Variants in PTPN4 observed in about 807,000 individuals in gnomAD.
PTPN4 encodes the protein protein tyrosine phosphatase non-receptor type 4, also known as tyrosine-protein phosphatase non-receptor type 4.
Under a neutral mutation model 135.5 loss-of-function variants are expected in PTPN4, and 49 were observed. The ratio of observed to expected loss-of-function variants is 0.36; its 90% CI spans 0.29 to 0.46. The LOEUF is 0.46. PTPN4 is among the 20% of genes least tolerant of loss of function. The probability of loss-of-function intolerance (pLI) is 1.00; values close to 1 mark genes in which losing one functional copy is unlikely to be tolerated. For synonymous variants in PTPN4, 333 were observed against 369.9 expected (o/e 0.90, Z 1.14); for missense variants, 860 against 1,101.0 (o/e 0.78, Z 3.10).
At chr2:119,859,239 T>C (rs1677724506) in intron 2 of PTPN4, among the ~76,000 whole-genome samples, 1 of 152,234 alleles carries the variant, frequency 6.6e-6, no homozygotes, top group African/African-American at 2.4e-5. Flanking sequence ...CTGATTCCTT[T>C]CGGTGTTGAC....
chr2:119,812,516 A>T (rs1472878883), intron 2 of PTPN4, among the ~76,000 whole-genome samples: 1 of 152,160 alleles, frequency 6.6e-6, no homozygotes, highest in African/African-American at 2.4e-5. Flanking sequence ...AATTTTTGTA[A>T]TGAAGGAGTT....
chr2:119,848,374 C>T (rs189233492), intron 2 of PTPN4, among the ~76,000 whole-genome samples: 134 of 151,858 alleles, frequency 8.8e-4, no homozygotes, highest in Non-Finnish European at 1.4e-3. Flanking sequence ...GGGGTTTCAC[C>T]GTGTTAGCCA....
chr2:119,818,831 A>G (rs1241121233), intron 2 of PTPN4, among the ~76,000 whole-genome samples: 1 of 152,206 alleles, frequency 6.6e-6, no homozygotes, highest in East Asian at 1.9e-4. Context: ...CTCCTAGGAC[A>G]GAGTTTGTCT....
intron 10 of PTPN4, among the ~76,000 whole-genome samples, chr2:119,906,935 C>G (rs1678498286): frequency 6.6e-6 from 1 of 152,162 alleles, no homozygotes; most frequent in South Asian, 2.1e-4. Context: ...CTGAAAGTCT[C>G]TTAGAACTAT....
chr2:119,794,783 C>T (rs1691221603), intron 1 of PTPN4, among the ~76,000 whole-genome samples: 1 of 152,182 alleles, frequency 6.6e-6, no homozygotes, highest in African/African-American at 2.4e-5. Context: ...CTCTTTTAAG[C>T]CTGCCATTCA....
chr2:119,805,620 G>A (rs1379804177), intron 1 of PTPN4, among the ~76,000 whole-genome samples: 4 of 152,174 alleles, frequency 2.6e-5, no homozygotes, highest in Non-Finnish European at 5.9e-5. Context: ...TGAGGCCTCT[G>A]TTCTGTTCCA....
intron 10 of PTPN4, among the ~76,000 whole-genome samples, chr2:119,909,626 G>A (rs1368310043): frequency 1.3e-5 from 2 of 152,140 alleles, no homozygotes; most frequent in Admixed American, 1.3e-4. Flanking sequence ...TATTTTGTAA[G>A]GCTGTAGTGG....
At chr2:119,779,734 T>A (rs189636112) in intron 1 of PTPN4, among the ~76,000 whole-genome samples, 2 of 152,274 alleles carry the variant, frequency 1.3e-5, no homozygotes, top group East Asian at 3.9e-4. Flanking sequence ...AAAAGCAGAA[T>A]TTGAAATAAT....
At chr2:119,939,544 A>G (rs925174887) in intron 15 of PTPN4, among the ~76,000 whole-genome samples, 2 of 151,992 alleles carry the variant, frequency 1.3e-5, no homozygotes, top group African/African-American at 4.8e-5. Flanking sequence ...CTAGTGATCC[A>G]CCTGCCTCAG....
chr2:119,798,851 C>T (rs570556743), intron 1 of PTPN4, among the ~76,000 whole-genome samples: 2 of 152,236 alleles, frequency 1.3e-5, no homozygotes, highest in African/African-American at 4.8e-5. Flanking sequence ...TAGTGTCAGA[C>T]TAATTTATTC....
At chr2:119,882,716 T>C in intron 8 of PTPN4, 93 bp downstream of exon 8, 1 of 1,044,344 alleles carries the variant, frequency 9.6e-7, no homozygotes, top group South Asian at 2.0e-5. Context: ...CTGTATTTAA[T>C]ATAGAACAAT....
intron 1 of PTPN4, among the ~76,000 whole-genome samples, chr2:119,807,511 C>G (rs895711859): frequency 2.0e-5 from 3 of 152,126 alleles, no homozygotes; most frequent in Non-Finnish European, 4.4e-5. Context: ...TACACCCTCC[C>G]AAGACTAAAC....
Position 119,804,549 on chromosome 2 carries a change from G to A in PTPN4, c.-17-5288G>A, listed in dbSNP as rs114043469. Among the ~76,000 whole-genome samples the A allele has an allele frequency of 3.5e-3, 534 of 152,162 alleles. 2 individuals are homozygous for A. Among genetic ancestry groups the A allele is most frequent in the African/African-American group, 0.011 (471 of 41,498 alleles). Reference sequence around the variant, plus strand: ...GCAGTGTTTTGTTTTCTCTCCTTGCGATAGTTTGCTCAGAATGATGATTTC... The same window carrying A: ...GCAGTGTTTTGTTTTCTCTCCTTGCAATAGTTTGCTCAGAATGATGATTTC... On this transcript the variant is annotated intron_variant, in intron 1 of 26. Coordinates refer to ENST00000263708, the MANE Select transcript of PTPN4 (RefSeq NM_002830.4).
At chr2:119,793,660 A>G (rs1691193653) in intron 1 of PTPN4, among the ~76,000 whole-genome samples, 3 of 152,118 alleles carry the variant, frequency 2.0e-5, no homozygotes, top group African/African-American at 7.2e-5. Context: ...AAGAAATTAT[A>G]AAAGTATTAA....
chr2:119,926,982 A>G lies in PTPN4; in HGVS notation c.1070+316A>G, dbSNP rs527515529. 3.3e-5 allele frequency among the ~76,000 whole-genome samples: 5 copies of G among 152,168 alleles called. No homozygotes were observed. The South Asian group carries it at 1.0e-3, about 32-fold the overall frequency. The stretch of plus-strand genomic sequence containing the variant: ...TTAAACATTTTTGAGAAATATAGTG[A>G]CTTATTTCATGTTATCAAGCCATTT... On this transcript the variant is annotated intron_variant, in intron 13 of 26. Transcript: ENST00000263708.
intron 18 of PTPN4, among the ~76,000 whole-genome samples, chr2:119,951,281 A>G (rs1248606864): frequency 2.6e-5 from 4 of 152,186 alleles, no homozygotes; most frequent in Non-Finnish European, 5.9e-5. Flanking sequence ...TAACATTCCC[A>G]TGGTCATCTA....
chr2:119,893,120 A>G (rs1368207362), intron 9 of PTPN4, among the ~76,000 whole-genome samples: 1 of 152,204 alleles, frequency 6.6e-6, no homozygotes, highest in East Asian at 1.9e-4. Context: ...TTACATTTTT[A>G]AAATATAACA....
chr2:119,825,926 T>C (rs72836822), intron 2 of PTPN4, among the ~76,000 whole-genome samples: 3,664 of 152,328 alleles, frequency 0.024, 65 homozygotes, highest in Non-Finnish European at 0.033. Context: ...TTAAAAGTTA[T>C]GGCCATGAAA....
intron 1 of PTPN4, among the ~76,000 whole-genome samples, chr2:119,794,246 G>T (rs1043047309): frequency 6.6e-6 from 1 of 152,186 alleles, no homozygotes; most frequent in Non-Finnish European, 1.5e-5. Context: ...GGATCCGTGG[G>T]ATATTGCTTA....
Sources: allele counts gnomAD v4.1 joint callset (sites outside exome capture counted in the v4.1 genomes callset), GRCh38; gene constraint gnomAD v4.1.1; transcripts MANE v1.5; gene names NCBI Gene and HGNC (gene_info 2026-07-23, HGNC 2026-07-21).